ZFAND3: variants seen among roughly 807,000 people sequenced by gnomAD.
ZFAND3 encodes AN1-type zinc finger protein 3.
ZFAND3 carries 10 observed loss-of-function variants against 29.6 expected under a neutral mutation model. That is an observed-to-expected ratio of 0.34 (90% confidence interval 0.21 to 0.57). The LOEUF is 0.57. Among genes scored for constraint, ZFAND3 ranks in the 20% least tolerant of loss-of-function variants. The pLI, the probability that ZFAND3 is intolerant of heterozygous loss-of-function variation, is 0.86. For synonymous variants in ZFAND3, 128 were observed against 112.6 expected, an observed-to-expected ratio of 1.14 and a Z score of -0.87; for missense variants, 230 against 304.5, an observed-to-expected ratio of 0.76 and a Z score of 1.82.
At chr6:38,105,491 C>T (rs1037940858) in intron 4 of ZFAND3, among the ~76,000 whole-genome samples, 2 of 152,144 alleles carry the variant, frequency 1.3e-5, no homozygotes, top group African/African-American at 4.8e-5. Flanking sequence ...ATGTGACATT[C>T]TTGAAATGAC....
At chr6:37,966,469 C>G (rs922404818) in intron 2 of ZFAND3, among the ~76,000 whole-genome samples, 1 of 152,120 alleles carries the variant, frequency 6.6e-6, no homozygotes, top group African/African-American at 2.4e-5. Context: ...GCAGACAACG[C>G]TTAGAGAGAT....
At chr6:38,044,871 G>A (rs1198420802) in intron 2 of ZFAND3, among the ~76,000 whole-genome samples, 2 of 152,036 alleles carry the variant, frequency 1.3e-5, no homozygotes, top group Admixed American at 1.3e-4. Context: ...GACAATTGAA[G>A]TATAAAGTGT....
intron 1 of ZFAND3, among the ~76,000 whole-genome samples, chr6:37,842,061 CT>C (rs1764087892): frequency 6.6e-6 from 1 of 152,132 alleles, no homozygotes; most frequent in African/African-American, 2.4e-5. Flanking sequence ...AAGGTGCTCC[CT>C]TCATCCTCTT....
In ZFAND3 at chr6:37,920,505, C is replaced by A. The variant is rs568286741; in HGVS notation, c.72-9454C>A. ...CTAGTTTTACATCTATACACTATAA[C>A]TTTTAGTGCAAGTACTTGAAACACA... is the stretch of plus-strand genomic sequence containing the variant. On this transcript the variant is annotated intron_variant, in intron 1 of 5. Transcript: ENST00000287218. 3.1e-3 allele frequency among the ~76,000 whole-genome samples: 468 copies of A among 152,218 alleles called. 3 individuals carry two copies. The highest frequency in any genetic ancestry group is 0.011 in the African/African-American group (446 of 41,538).
intron 1 of ZFAND3, among the ~76,000 whole-genome samples, chr6:37,835,956 AAAGTAGCATGAAATATG>A (rs1763960990): frequency 6.6e-6 from 1 of 152,214 alleles, no homozygotes; most frequent in African/African-American, 2.4e-5. Flanking sequence ...TTATGCTACA[AAAGTAGCATGAAATATG>A]TTGAATTTTA....
Position 38,124,330 on chromosome 6 carries a change from A to G in ZFAND3, c.529+7591A>G, listed in dbSNP as rs138387933. ...GCCAGTCCCGCGCCATGCGCCCGCA[A>G]TCCTCAGCCCTTGGGCAGTTGATGG... is the stretch of plus-strand genomic sequence containing the variant. On this transcript the variant is annotated intron_variant, in intron 5 of 5. Coordinates refer to ENST00000287218, the MANE Select transcript of ZFAND3 (RefSeq NM_021943.3). Among the ~76,000 whole-genome samples, 754 of 152,306 alleles carry G rather than the reference A, an allele frequency of 5.0e-3. 16 individuals are homozygous for G. Among genetic ancestry groups the G allele is most frequent in the East Asian group, 0.025 (128 of 5,168 alleles).
chr6:37,922,121 A>G (rs1761393090), intron 1 of ZFAND3, among the ~76,000 whole-genome samples: 1 of 152,194 alleles, frequency 6.6e-6, no homozygotes, highest in Non-Finnish European at 1.5e-5. Context: ...GCAAAGATGT[A>G]TTCAAAATAG....
At position 37,919,142 on chromosome 6, in the gene ZFAND3, C is replaced by T. The variant is rs113173090; in HGVS notation, c.72-10817C>T. ...CTAATTTTTGTATTTTTAGTAGAGA[C>T]GGGGTTTCACCATGTTGGCCAGGGT... On this transcript the variant is annotated intron_variant, in intron 1 of 5. Transcript: ENST00000287218. Among the ~76,000 whole-genome samples, 74 of 151,774 alleles carry T rather than the reference C, an allele frequency of 4.9e-4. 1 individual carries two copies. Among genetic ancestry groups the T allele is most frequent in the African/African-American group, 9.9e-4 (41 of 41,398 alleles).
At chr6:37,970,777 C>T (rs1010892601) in intron 2 of ZFAND3, among the ~76,000 whole-genome samples, 5 of 151,988 alleles carry the variant, frequency 3.3e-5, no homozygotes, top group Non-Finnish European at 7.4e-5. Flanking sequence ...TGGTGGCGGG[C>T]GCCTGTAGTC....
At chr6:38,001,587 T>G (rs976772256) in intron 2 of ZFAND3, among the ~76,000 whole-genome samples, 1 of 152,232 alleles carries the variant, frequency 6.6e-6, no homozygotes, top group East Asian at 1.9e-4. Context: ...TTAGAATTAC[T>G]TTTTACTTCA....
At chr6:37,961,207 A>G (rs1762189398) in intron 2 of ZFAND3, among the ~76,000 whole-genome samples, 1 of 152,192 alleles carries the variant, frequency 6.6e-6, no homozygotes, top group African/African-American at 2.4e-5. Flanking sequence ...GCCAGGTGGT[A>G]GTTGGGCAGT....
At chr6:38,010,494 A>G (rs1456902450) in intron 2 of ZFAND3, among the ~76,000 whole-genome samples, 2 of 151,892 alleles carry the variant, frequency 1.3e-5, no homozygotes, top group East Asian at 1.9e-4. Context: ...GTTTGGTGAT[A>G]TGTTGCTTGC....
intron 2 of ZFAND3, among the ~76,000 whole-genome samples, chr6:37,994,891 A>G (rs1456374773): frequency 1.3e-5 from 2 of 152,188 alleles, no homozygotes; most frequent in Non-Finnish European, 2.9e-5. Context: ...ACTAGAGATC[A>G]GCCCAGATGT....
chr6:38,070,655 G>A (rs1046800964), intron 3 of ZFAND3, among the ~76,000 whole-genome samples: 3 of 151,968 alleles, frequency 2.0e-5, no homozygotes, highest in African/African-American at 7.3e-5. Context: ...TTTTGTACGT[G>A]GCTAATGGTG....
chr6:37,941,661 G>C (rs940299213), intron 2 of ZFAND3, among the ~76,000 whole-genome samples: 1 of 152,170 alleles, frequency 6.6e-6, no homozygotes. Flanking sequence ...TTTTGAAAAT[G>C]TTTGGAAGTG....
intron 2 of ZFAND3, among the ~76,000 whole-genome samples, chr6:37,957,190 T>G (rs570989406): frequency 3.3e-5 from 5 of 152,338 alleles, no homozygotes; most frequent in Admixed American, 6.5e-5. Flanking sequence ...TTTCTTCCTC[T>G]CTTTTCAGGA....
chr6:37,896,521 T>C (rs1489171164), intron 1 of ZFAND3, among the ~76,000 whole-genome samples: 2 of 105,248 alleles, frequency 1.9e-5, no homozygotes, highest in Non-Finnish European at 3.7e-5. Context: ...TTCTTTTCTT[T>C]CTTTCTTTCT....
chr6:38,016,438 G>A (rs1245947710), intron 2 of ZFAND3, among the ~76,000 whole-genome samples: 2 of 152,124 alleles, frequency 1.3e-5, no homozygotes, highest in African/African-American at 4.8e-5. Context: ...TAAAAGGCAA[G>A]TCCATGCCAG....
rs1401207314 is a variant in ZFAND3 at position 37,883,846 on chromosome 6, A to G, written c.72-46113A>G. On this transcript the variant is annotated intron_variant, in intron 1 of 5. Coordinates refer to ENST00000287218, the MANE Select transcript of ZFAND3 (RefSeq NM_021943.3). ...TGAGCCGCCGTGCCCGGCTTGATGG[A>G]TACCTTTTCATTATCTATTTCCCTT... Among the ~76,000 whole-genome samples the G allele has an allele frequency of 1.4e-5, 2 of 145,138 alleles. 1 individual carries two copies. Among genetic ancestry groups the G allele is most frequent in the African/African-American group, 5.6e-5 (2 of 35,940 alleles).
Sources: gnomAD v4.1 joint callset for allele counts (sites outside exome capture counted in the v4.1 genomes callset) on GRCh38, gnomAD v4.1.1 for gene constraint, MANE v1.5 for transcripts, NCBI Gene and HGNC (gene_info 2026-07-23, HGNC 2026-07-21) for gene names.